THOC1: variants seen among roughly 807,000 people sequenced by gnomAD.
The protein encoded by THOC1 is THO complex 1.
Under a neutral mutation model 97.3 loss-of-function variants are expected in THOC1, and 29 were observed. That is an observed-to-expected ratio of 0.30 (90% CI 0.22 to 0.41). The LOEUF (loss-of-function observed/expected upper bound fraction) is 0.41. Ranked by LOEUF, THOC1 falls within the 10% of genes least tolerant of loss-of-function variation. The probability of loss-of-function intolerance (pLI) is 1.00; values close to 1 mark genes in which losing one functional copy is unlikely to be tolerated. For synonymous variants in THOC1, 255 were observed against 257.0 expected (o/e 0.99, Z 0.07); for missense variants, 529 against 761.9 (o/e 0.69, Z 3.60).
chr18:264,657 T>C (rs1332266412), intron 3 of THOC1, among the ~76,000 whole-genome samples: 1 of 152,234 alleles, frequency 6.6e-6, no homozygotes, highest in African/African-American at 2.4e-5. Context: ...GAAAAGTGAC[T>C]AAGTCTGAAG....
rs190102002 is a variant in THOC1 at position 267,438 on chromosome 18, A to C, written c.54+528T>G. ...AGCAAGAATAAAATAGCATCTGGTTACCCTTCCCAAGGTGATCTATCTGCC... is the reference window on the plus strand; with the variant it reads ...AGCAAGAATAAAATAGCATCTGGTTCCCCTTCCCAAGGTGATCTATCTGCC... On this transcript the variant is annotated intron_variant, in intron 1 of 20. Coordinates refer to ENST00000261600, the MANE Select transcript of THOC1 (RefSeq NM_005131.3). 1.1e-4 allele frequency among the ~76,000 whole-genome samples: 16 copies of C among 152,256 alleles called. 1 individual carries two copies. In the East Asian group the frequency reaches 2.5e-3, roughly 24 times the overall value.
chr18:226,322 T>A (rs1475098786), intron 12 of THOC1: 1 of 154,286 alleles, frequency 6.5e-6, no homozygotes, highest in Non-Finnish European at 1.4e-5. Flanking sequence ...AGGAAATGGA[T>A]GGAAGTATTT....
Position 259,289 on chromosome 18 carries a change from A to G in THOC1, c.425-14T>C. On this transcript the variant is annotated splice_polypyrimidine_tract_variant and intron_variant, in intron 6 of 20. Transcript: ENST00000261600. The stretch of plus-strand genomic sequence containing the variant: ...TTCTTAGGAGATCTAACAATATATG[A>G]AAATGAACGTTACACAGAAAAGATA... 6.4e-7 allele frequency: 1 copy of G among 1,566,472 alleles called. No individual in the cohort carries two copies. Among genetic ancestry groups the G allele is most frequent in the Non-Finnish European group, 8.7e-7 (1 of 1,146,814 alleles).
At chr18:231,345 T>G (rs1273960025) in intron 11 of THOC1, among the ~76,000 whole-genome samples, 1 of 152,228 alleles carries the variant, frequency 6.6e-6, no homozygotes, top group Admixed American at 6.5e-5. Context: ...TAGTCATCCT[T>G]ACATGCCTCT....
Position 215,417 on chromosome 18 carries a change from T to C in THOC1, c.1678+12A>G, listed in dbSNP as rs1325558244. 2 of 1,608,036 alleles carry C rather than the reference T, an allele frequency of 1.2e-6. No individual in the cohort carries two copies. Among genetic ancestry groups the C allele is most frequent in the Non-Finnish European group, 8.5e-7 (1 of 1,174,974 alleles). On this transcript the variant is annotated intron_variant, in intron 20 of 20. Coordinates refer to ENST00000261600, the MANE Select transcript of THOC1 (RefSeq NM_005131.3). ...CAATTTTGTTAAATAACCAAGAAAA[T>C]TCAGTTCTTACTTTCATTTTCCTTC...
At chr18:227,762 A>C (rs1911347337) in intron 11 of THOC1, among the ~76,000 whole-genome samples, 1 of 152,118 alleles carries the variant, frequency 6.6e-6, no homozygotes, top group Non-Finnish European at 1.5e-5. Flanking sequence ...TAACAAAGGA[A>C]AGCCACGTTC....
intron 11 of THOC1, among the ~76,000 whole-genome samples, chr18:234,209 TATTGTCTTC>T (rs1190738399): frequency 1.3e-5 from 2 of 152,256 alleles, no homozygotes; most frequent in African/African-American, 2.4e-5. Context: ...TAGACAATTA[TATTGTCTTC>T]AAATGGGGAT....
chr18:258,791 A>G (rs1245635874), intron 7 of THOC1, among the ~76,000 whole-genome samples: 1 of 152,136 alleles, frequency 6.6e-6, no homozygotes, highest in Admixed American at 6.5e-5. Context: ...TATGAGCGTT[A>G]TATTTCACAA....
intron 11 of THOC1, among the ~76,000 whole-genome samples, chr18:235,334 GTTTGT>G (rs1199972617): frequency 6.6e-6 from 1 of 151,858 alleles, no homozygotes; most frequent in Non-Finnish European, 1.5e-5. Context: ...ATATGTTTTA[GTTTGT>G]TTTATTTCAC....
intron 19 of THOC1, 25 bp downstream of exon 19, chr18:216,461 T>C: frequency 1.2e-6 from 2 of 1,609,150 alleles, no homozygotes; most frequent in Non-Finnish European, 1.7e-6. Flanking sequence ...CTAAAGGGTA[T>C]GAAAAGTTGA....
intron 11 of THOC1, among the ~76,000 whole-genome samples, chr18:235,411 T>A (rs1399944984): frequency 6.6e-6 from 1 of 152,174 alleles, no homozygotes; most frequent in Non-Finnish European, 1.5e-5. Context: ...TCTAACTTCT[T>A]GAGTTGAACG....
chr18:219,007 ATTCTT>A, intron 17 of THOC1, 38 bp from the exon 18 acceptor site: 2 of 1,211,180 alleles, frequency 1.7e-6, no homozygotes, highest in Non-Finnish European at 2.3e-6. Context: ...GATGGCATAT[ATTCTT>A]AATAATAAAT....
intron 11 of THOC1, among the ~76,000 whole-genome samples, chr18:233,857 T>C (rs913390170): frequency 6.6e-6 from 1 of 152,192 alleles, no homozygotes; most frequent in African/African-American, 2.4e-5. Context: ...TGAGTTCCCA[T>C]GAAAAAACCC....
In THOC1 at chr18:242,430, A is replaced by G. The variant is rs1198336187; in HGVS notation, c.918+3894T>C. 7.0e-6 allele frequency among the ~76,000 whole-genome samples: 1 copy of G among 143,652 alleles called. No homozygotes were observed. Among genetic ancestry groups the G allele is most frequent in the African/African-American group, 2.5e-5 (1 of 40,520 alleles). 94.2% of individuals were successfully genotyped at this position (143,652 alleles called of 152,430 possible). On this transcript the variant is annotated intron_variant, in intron 11 of 20. Coordinates refer to ENST00000261600, the MANE Select transcript of THOC1 (RefSeq NM_005131.3). This position sits in a 1 kb window ranked among gnomAD's most constrained non-coding sequence, Gnocchi z 4.5. ...GAGGTGGAAGTTACAGTGGGCCAAA[A>G]AAAAAGTGTCTCAAAAAAAAAAAAA...
intron 11 of THOC1, among the ~76,000 whole-genome samples, chr18:229,417 C>T (rs1911405356): frequency 1.3e-5 from 2 of 152,140 alleles, no homozygotes; most frequent in Admixed American, 1.3e-4. Context: ...TGTGGTGGTT[C>T]ACGCCTGTAA....
intron 18 of THOC1, among the ~76,000 whole-genome samples, chr18:217,689 AGTG>A (rs1910940830): frequency 6.6e-6 from 1 of 151,120 alleles, no homozygotes. Flanking sequence ...TCATTTGGAT[AGTG>A]GTAAGTGCCG....
rs141750732 is a variant in THOC1 at position 246,063 on chromosome 18, T to C, written c.918+261A>G. ...ACTTGACATTTAAAATATATAGACA[T>C]GAAAGTAATTAAACTGCATTTATTC... On this transcript the variant is annotated intron_variant, in intron 11 of 20. Coordinates refer to ENST00000261600, the MANE Select transcript of THOC1 (RefSeq NM_005131.3). 20 of 250,430 alleles carry C rather than the reference T, an allele frequency of 8.0e-5. No homozygotes were observed. In the Admixed American group the frequency reaches 1.1e-3, roughly 14 times the overall value. 15.5% of individuals were successfully genotyped at this position (250,430 alleles called of 1,614,324 possible). A position where few individuals can be genotyped will look rare whatever the true frequency, so the allele number is the denominator to read the frequency against.
At chr18:266,381 G>C (rs1912768829) in intron 1 of THOC1, among the ~76,000 whole-genome samples, 1 of 152,162 alleles carries the variant, frequency 6.6e-6, no homozygotes, top group African/African-American at 2.4e-5. Flanking sequence ...TTTACTACCA[G>C]CAGCAGCTAC....
At chr18:227,224 T>C (rs576839828) in intron 11 of THOC1, among the ~76,000 whole-genome samples, 1 of 152,128 alleles carries the variant, frequency 6.6e-6, no homozygotes, top group African/African-American at 2.4e-5. Flanking sequence ...AAGCCTATTA[T>C]AGTCCCAGCT....
Sources: allele counts gnomAD v4.1 joint callset (sites outside exome capture counted in the v4.1 genomes callset), GRCh38; gene constraint gnomAD v4.1.1; non-coding constraint Gnocchi (gnomAD v3.1); transcripts MANE v1.5; gene names NCBI Gene and HGNC (gene_info 2026-07-23, HGNC 2026-07-21).